The following LUZP2 variants were observed in gnomAD, a reference collection of about 807,000 sequenced individuals.
LUZP2 encodes leucine zipper protein 2.
LUZP2 carries 52 observed loss-of-function variants against 51.6 expected under a neutral mutation model. The observed-to-expected ratio is 1.01, with a 90% CI of 0.81 to 1.27. The LOEUF is 1.27. Ranked by LOEUF, LUZP2 falls within the 50% of genes most tolerant of loss-of-function variation. The pLI is 0.00. For missense variants in LUZP2, 436 were observed against 395.4 expected (o/e 1.10, Z -0.87); for synonymous variants, 154 against 137.3 (o/e 1.12, Z -0.85).
intron 1 of LUZP2, among the ~76,000 whole-genome samples, chr11:24,602,478 A>C (rs891723153): frequency 6.7e-6 from 1 of 150,160 alleles, no homozygotes; most frequent in African/African-American, 2.4e-5. Context: ...GATCTTTAAT[A>C]AAGTTAAAAT....
intron 5 of LUZP2, among the ~76,000 whole-genome samples, chr11:24,881,265 G>C (rs1221901739): frequency 6.6e-6 from 1 of 151,270 alleles, no homozygotes; most frequent in East Asian, 1.9e-4. Context: ...GAAAGTAAGA[G>C]TCATGCTTGA....
chr11:24,951,461 A>G lies in LUZP2; in HGVS notation c.523-25130A>G, dbSNP rs1042750835. On this transcript the variant is annotated intron_variant, in intron 7 of 11. Coordinates refer to ENST00000336930, the MANE Select transcript of LUZP2 (RefSeq NM_001009909.4). ...GAACAATGCTTTTAAGTTATATTTT[A>G]CGATTATTTTTCTAATACCCCTAAT... 2.6e-4 allele frequency among the ~76,000 whole-genome samples: 40 copies of G among 151,518 alleles called. 1 individual carries two copies. The highest frequency in any genetic ancestry group is 1.0e-4 in the Non-Finnish European group (7 of 67,686).
At chr11:24,570,242 A>G (rs1013240828) in intron 1 of LUZP2, among the ~76,000 whole-genome samples, 5 of 122,648 alleles carry the variant, frequency 4.1e-5, no homozygotes, top group African/African-American at 1.7e-4. Context: ...AGGATCTAGA[A>G]AGAGATGTGT....
intron 5 of LUZP2, among the ~76,000 whole-genome samples, chr11:24,816,003 TTTTA>T (rs1391223038): frequency 3.4e-4 from 5 of 14,684 alleles, no homozygotes; most frequent in Admixed American, 3.3e-3. Flanking sequence ...CTTCTTTTTT[TTTTA>T]AAAAAAAAAA....
intron 7 of LUZP2, among the ~76,000 whole-genome samples, chr11:24,975,059 T>C (rs1780252447): frequency 6.6e-6 from 1 of 152,030 alleles, no homozygotes; most frequent in South Asian, 2.1e-4. Flanking sequence ...TGTAAATATT[T>C]AAAATATTAA....
rs533863162 is a variant in LUZP2 at position 24,769,473 on chromosome 11, G to T, written c.396+6165G>T. On this transcript the variant is annotated intron_variant, in intron 5 of 11. Coordinates refer to ENST00000336930, the MANE Select transcript of LUZP2 (RefSeq NM_001009909.4). Reference sequence around the variant, plus strand: ...GACTTGATAATTACACAATCTATATGTGTATTGAACATCACATTGCAGCTG... The same window carrying T: ...GACTTGATAATTACACAATCTATATTTGTATTGAACATCACATTGCAGCTG... 3.3e-5 allele frequency among the ~76,000 whole-genome samples: 5 copies of T among 152,264 alleles called. No homozygotes were observed. In the East Asian group the frequency reaches 5.8e-4, roughly 18 times the overall value.
chr11:24,908,758 CT>C (rs34476662), intron 6 of LUZP2, among the ~76,000 whole-genome samples: 11,066 of 137,402 alleles, frequency 0.081, 382 homozygotes, highest in Middle Eastern at 0.15. Context: ...TGTTTTTTTT[CT>C]TTTTTTTTTT....
chr11:24,693,488 CAA>C (rs1284891477), intron 1 of LUZP2, among the ~76,000 whole-genome samples: 2 of 151,614 alleles, frequency 1.3e-5, no homozygotes, highest in Non-Finnish European at 3.0e-5. Context: ...ATTATTCCTA[CAA>C]ATAAAAGGAA....
chr11:25,003,079 T>G (rs1207560388), intron 9 of LUZP2, among the ~76,000 whole-genome samples: 1 of 152,214 alleles, frequency 6.6e-6, no homozygotes, highest in African/African-American at 2.4e-5. Flanking sequence ...TGACCTGCTG[T>G]AGGCAAAGCT....
At chr11:24,542,234 C>A (rs1405913233) in intron 1 of LUZP2, among the ~76,000 whole-genome samples, 3 of 151,942 alleles carry the variant, frequency 2.0e-5, no homozygotes, top group African/African-American at 4.8e-5. Context: ...TATCCTCACC[C>A]CCCCATACAC....
At chr11:24,530,855 T>C (rs1376938315) in intron 1 of LUZP2, among the ~76,000 whole-genome samples, 1 of 148,108 alleles carries the variant, frequency 6.8e-6, no homozygotes, top group Non-Finnish European at 1.5e-5. Context: ...CTGGCTTCTC[T>C]TGTTTCATTG....
chr11:24,961,712 C>T (rs1449059735), intron 7 of LUZP2, among the ~76,000 whole-genome samples: 1 of 152,058 alleles, frequency 6.6e-6, no homozygotes, highest in East Asian at 1.9e-4. Flanking sequence ...ATTTGCCTGT[C>T]TGTGTCTTTT....
At chr11:24,602,082 G>GTACATATA (rs1565020257) in intron 1 of LUZP2, among the ~76,000 whole-genome samples, 1 of 122,408 alleles carries the variant, frequency 8.2e-6, no homozygotes, top group African/African-American at 3.5e-5. Flanking sequence ...GCGTATATAT[G>GTACATATA]TGTATATATG....
intron 10 of LUZP2, among the ~76,000 whole-genome samples, chr11:25,064,643 C>T (rs562998816): frequency 1.1e-4 from 16 of 151,876 alleles, no homozygotes; most frequent in Admixed American, 3.3e-4. Context: ...CCATCCATTT[C>T]ATGAAAATAG....
chr11:24,618,499 T>A (rs899300137), intron 1 of LUZP2, among the ~76,000 whole-genome samples: 2 of 152,174 alleles, frequency 1.3e-5, no homozygotes, highest in Non-Finnish European at 2.9e-5. Context: ...GGTGGTTGCC[T>A]ATGTTTTTGG....
At chr11:24,920,778 A>G (rs1854025684) in intron 7 of LUZP2, among the ~76,000 whole-genome samples, 1 of 151,964 alleles carries the variant, frequency 6.6e-6, no homozygotes, top group Admixed American at 6.6e-5. Flanking sequence ...ATGATGGATA[A>G]TGAGTACTCA....
At chr11:24,550,017 G>A (rs1851678865) in intron 1 of LUZP2, among the ~76,000 whole-genome samples, 1 of 152,018 alleles carries the variant, frequency 6.6e-6, no homozygotes, top group Non-Finnish European at 1.5e-5. Context: ...TTCTGAAATG[G>A]AATTCTAAAA....
chr11:24,963,243 CG>C (rs1327464741), intron 7 of LUZP2, among the ~76,000 whole-genome samples: 2 of 152,170 alleles, frequency 1.3e-5, no homozygotes, highest in African/African-American at 4.8e-5. Context: ...GGCAGTCTGC[CG>C]GTTCTCAGAT....
intron 9 of LUZP2, among the ~76,000 whole-genome samples, chr11:25,040,382 C>T (rs1488644090): frequency 2.9e-5 from 3 of 103,754 alleles, no homozygotes; most frequent in African/African-American, 1.9e-4. Flanking sequence ...CACAGAATAC[C>T]CCTGGGGAAA....
Sources: gnomAD v4.1 joint callset for allele counts (sites outside exome capture counted in the v4.1 genomes callset) on GRCh38, gnomAD v4.1.1 for gene constraint, MANE v1.5 for transcripts, NCBI Gene and HGNC (gene_info 2026-07-23, HGNC 2026-07-21) for gene names.